Variants in NTNG2 observed in about 807,000 individuals in gnomAD.
NTNG2 encodes the protein netrin-G2.
NTNG2 carries 15 observed loss-of-function variants against 47.6 expected under a neutral mutation model. That is an observed-to-expected ratio of 0.32 (90% confidence interval 0.21 to 0.49). The LOEUF (loss-of-function observed/expected upper bound fraction) is 0.49, where lower values mean the gene tolerates loss of function less well. NTNG2 is among the 20% of genes least tolerant of loss of function. The pLI, the probability that NTNG2 is intolerant of heterozygous loss-of-function variation, is 0.99. For missense variants in NTNG2, 578 were observed against 764.6 expected (o/e 0.76, Z 2.88); for synonymous variants, 307 against 324.6 (o/e 0.95, Z 0.58).
intron 3 of NTNG2, among the ~76,000 whole-genome samples, chr9:132,223,291 A>T (rs565874067): frequency 6.6e-6 from 1 of 152,246 alleles, no homozygotes; most frequent in South Asian, 2.1e-4. Flanking sequence ...CTGTTTCCCC[A>T]CCCAGATCCT....
In NTNG2 at chr9:132,221,492, G is replaced by A. The variant is rs962616559; in HGVS notation, c.858-5357G>A. Among the ~76,000 whole-genome samples, 14 of 152,202 alleles carry A rather than the reference G, an allele frequency of 9.2e-5. No homozygotes were observed. Among genetic ancestry groups the A allele is most frequent in the Admixed American group, 3.3e-4 (5 of 15,284 alleles). ...CCAGAAGCACCTGCATTGACCAGGT[G>A]CCATGTGTGTGCCAGCCTTGCCAGC... is the stretch of plus-strand genomic sequence containing the variant. On this transcript the variant is annotated intron_variant, in intron 3 of 7. Coordinates refer to ENST00000393229, the MANE Select transcript of NTNG2 (RefSeq NM_032536.4). This position sits in a 1 kb window ranked among gnomAD's most constrained non-coding sequence, Gnocchi z 4.2.
chr9:132,209,373 C>T (rs900011341), intron 3 of NTNG2, among the ~76,000 whole-genome samples: 5 of 152,178 alleles, frequency 3.3e-5, no homozygotes, highest in East Asian at 1.9e-4. Flanking sequence ...GAAGCGCAGG[C>T]GAGACTGGGC....
chr9:132,175,143 G>A (rs539724755), intron 2 of NTNG2, among the ~76,000 whole-genome samples: 115 of 152,078 alleles, frequency 7.6e-4, no homozygotes, highest in African/African-American at 2.7e-3. Context: ...CGAGGGGAAA[G>A]TGTGTGGGTG....
chr9:132,225,633 G>A (rs1176282183), intron 3 of NTNG2, among the ~76,000 whole-genome samples: 1 of 152,104 alleles, frequency 6.6e-6, no homozygotes, highest in East Asian at 1.9e-4. Flanking sequence ...ATCACACCTA[G>A]TAAACATTAG....
intron 3 of NTNG2, among the ~76,000 whole-genome samples, chr9:132,212,354 T>C (rs1839649502): frequency 6.6e-6 from 1 of 152,204 alleles, no homozygotes; most frequent in Non-Finnish European, 1.5e-5. Context: ...CTGTGTTGTG[T>C]GCAAGGAAGC....
intron 3 of NTNG2, among the ~76,000 whole-genome samples, chr9:132,216,456 G>GTA: frequency 8.1e-6 from 1 of 122,878 alleles, no homozygotes; most frequent in African/African-American, 3.1e-5. Flanking sequence ...GTGTGTGTGT[G>GTA]TGTGTGTGTG....
intron 2 of NTNG2, among the ~76,000 whole-genome samples, chr9:132,192,112 G>A (rs1304380383): frequency 6.6e-6 from 1 of 152,176 alleles, no homozygotes; most frequent in East Asian, 1.9e-4. Flanking sequence ...TCCTGGAGAT[G>A]GGTGGAAACG....
intron 3 of NTNG2, among the ~76,000 whole-genome samples, chr9:132,216,817 C>T (rs1281219639): frequency 6.6e-6 from 1 of 152,162 alleles, no homozygotes; most frequent in Non-Finnish European, 1.5e-5. Context: ...CGCCCAGGTC[C>T]AGATCCAGGC....
Position 132,226,935 on chromosome 9 carries a change from A to C in NTNG2, c.944A>C (p.Asp315Ala). The C allele has an allele frequency of 6.2e-7, 1 of 1,612,804 alleles. No homozygotes were observed. Among genetic ancestry groups the C allele is most frequent in the South Asian group, 1.1e-5 (1 of 90,998 alleles). ...TGCGAGCACAACACCACCGGCCCCGACTGCGGCAAGTGCAAGAAGAATTTC... is the reference window on the plus strand; with the variant it reads ...TGCGAGCACAACACCACCGGCCCCGCCTGCGGCAAGTGCAAGAAGAATTTC... The part of the protein sequence containing the change: ...CECEHNTTGP[D>A]CGKCKKNFRT... The change falls in exon 4 of 8, where the codon GAC becomes GCC. Residue 315 changes from aspartate to alanine, a missense_variant. By Grantham distance (126) the Asp-to-Ala change is moderately radical (BLOSUM62 -2). Coordinates refer to ENST00000393229, the MANE Select transcript of NTNG2 (RefSeq NM_032536.4). The surrounding 1 kb of genome is among the most constrained non-coding windows in gnomAD (Gnocchi z 4.8).
At chr9:132,193,647 GAAA>G (rs967247731) in intron 2 of NTNG2, among the ~76,000 whole-genome samples, 9 of 152,218 alleles carry the variant, frequency 5.9e-5, no homozygotes, top group African/African-American at 2.2e-4. Flanking sequence ...ATCCTCTGGG[GAAA>G]TAGGATGAAA....
chr9:132,202,348 G>A (rs1365476249), intron 3 of NTNG2, among the ~76,000 whole-genome samples: 1 of 152,094 alleles, frequency 6.6e-6, no homozygotes, highest in African/African-American at 2.4e-5. Flanking sequence ...AGGAGGGACT[G>A]GTACAAATGG....
rs893442897 is a variant in NTNG2 at position 132,236,544 on chromosome 9, G to A, written c.1055-2560G>A. Among the ~76,000 whole-genome samples, 1 of 152,226 alleles carries A rather than the reference G, an allele frequency of 6.6e-6. No homozygotes were observed. The highest frequency in any genetic ancestry group is 1.5e-5 in the Non-Finnish European group (1 of 68,024). ...TCCTCCAGCCCCAGCTCTGAGCAGC[G>A]AGCAGGGCTTTGAGCGCCCTCTACT... is the stretch of plus-strand genomic sequence containing the variant. On this transcript the variant is annotated intron_variant, in intron 5 of 7. Coordinates refer to ENST00000393229, the MANE Select transcript of NTNG2 (RefSeq NM_032536.4). This position sits in a 1 kb window ranked among gnomAD's most constrained non-coding sequence, Gnocchi z 4.3.
intron 3 of NTNG2, among the ~76,000 whole-genome samples, chr9:132,216,266 G>A (rs1323464738): frequency 6.6e-6 from 1 of 152,176 alleles, no homozygotes; most frequent in African/African-American, 2.4e-5. Context: ...CACCTACTGT[G>A]TGCCAGGCAG....
chr9:132,162,031 C>T (rs1835069712), upstream of NTNG2: 1 of 149,420 alleles, frequency 6.7e-6, no homozygotes, highest in Non-Finnish European at 1.5e-5. The surrounding 1 kb of genome is among the most constrained non-coding windows in gnomAD (Gnocchi z 4.6). Flanking sequence ...GGCGGCCCCC[C>T]CGGCGGCCGG....
chr9:132,241,217 C>G (rs1478571740), intron 7 of NTNG2, among the ~76,000 whole-genome samples, 173 bp downstream of exon 7: 2 of 108,614 alleles, frequency 1.8e-5, no homozygotes, highest in African/African-American at 7.2e-5. Flanking sequence ...AGGCGGTGGG[C>G]GGGGCCTCGC....
rs902296581 is a variant in NTNG2, at chr9:132,163,065, C to T, written c.-484+826C>T. On this transcript the variant is annotated intron_variant, in intron 1 of 7. Transcript: ENST00000393229. This position sits in a 1 kb window ranked among gnomAD's most constrained non-coding sequence, Gnocchi z 7.2. ...AAGGATACAGCCAGTTCCTGGGCGC[C>T]CTGCTCTGTGTCTTTTAATTAAGAG... Among the ~76,000 whole-genome samples the T allele has an allele frequency of 6.6e-6, 1 of 152,150 alleles. No individual in the cohort carries two copies. The highest frequency in any genetic ancestry group is 1.5e-5 in the Non-Finnish European group (1 of 68,004).
chr9:132,220,515 A>G (rs907578849), intron 3 of NTNG2, among the ~76,000 whole-genome samples: 3 of 148,166 alleles, frequency 2.0e-5, no homozygotes, highest in Admixed American at 6.8e-5. Context: ...GCCAGAGTGC[A>G]ATCTCAGCTC....
intron 1 of NTNG2, among the ~76,000 whole-genome samples, chr9:132,165,798 G>GA (rs1301506708): frequency 4.6e-5 from 7 of 152,040 alleles, no homozygotes; most frequent in Admixed American, 6.5e-5. Flanking sequence ...CCATAAATGA[G>GA]AAAAAAATGC....
chr9:132,240,628 G>T (rs772102274), intron 6 of NTNG2: 64 of 541,944 alleles, frequency 1.2e-4, no homozygotes, highest in Non-Finnish European at 2.0e-4. Flanking sequence ...TAGTTGCCCA[G>T]AGAGGGGAAG....
Sources: gnomAD v4.1 joint callset for allele counts (sites outside exome capture counted in the v4.1 genomes callset) on GRCh38, gnomAD v4.1.1 for gene constraint, Gnocchi (gnomAD v3.1) non-coding constraint, MANE v1.5 for transcripts, NCBI Gene and HGNC (gene_info 2026-07-23, HGNC 2026-07-21) for gene names.